DYRK1A: variants seen among roughly 807,000 people sequenced by gnomAD.
The protein encoded by DYRK1A is dual specificity tyrosine-phosphorylation-regulated kinase 1A.
A neutral mutation model predicts 79.7 loss-of-function variants in DYRK1A; 9 were observed. The observed-to-expected ratio is 0.11, with a 90% confidence interval of 0.07 to 0.20. The LOEUF (loss-of-function observed/expected upper bound fraction) is 0.20. DYRK1A is among the 10% of genes least tolerant of loss of function. The probability of loss-of-function intolerance (pLI) is 1.00; values close to 1 mark genes in which losing one functional copy is unlikely to be tolerated. For missense variants in DYRK1A, 622 were observed against 956.0 expected, an observed-to-expected ratio of 0.65 and a Z score of 4.61; for synonymous variants, 349 against 329.7, an observed-to-expected ratio of 1.06 and a Z score of -0.63.
chr21:37,365,809 G>A (rs539082067), upstream of DYRK1A: 2 of 152,608 alleles, frequency 1.3e-5, no homozygotes, highest in Admixed American at 6.5e-5. Flanking sequence ...GCATTCCGAT[G>A]GAGCAGGCAG....
At chr21:37,410,758 A>G (rs1410135110) in intron 1 of DYRK1A, 3 of 152,256 alleles carry the variant, frequency 2.0e-5, no homozygotes, top group Non-Finnish European at 2.9e-5. Flanking sequence ...AGAAAATAGA[A>G]GACAGTTGGC....
intron 11 of DYRK1A, among the ~76,000 whole-genome samples, chr21:37,510,750 A>G (rs1452037882): frequency 6.6e-6 from 1 of 151,288 alleles, no homozygotes; most frequent in African/African-American, 2.4e-5. Context: ...CTACTTGTCT[A>G]CTGTGTCCAG....
At chr21:37,479,502 C>T (rs541368899) in intron 4 of DYRK1A, among the ~76,000 whole-genome samples, 17 of 147,098 alleles carry the variant, frequency 1.2e-4, no homozygotes, top group Admixed American at 8.9e-4. Context: ...TTTATAATTT[C>T]GCCAAAGTTA....
In DYRK1A at chr21:37,512,111, G is replaced by A; in HGVS notation, c.1845G>A (p.Leu615=). The change falls in exon 12 of 12, where the codon TTG becomes TTA. Residue 615 remains leucine, a synonymous_variant. Transcript: ENST00000647188. Reference sequence around the variant, plus strand: ...ACCACCACCATGGACAACAAGCCTTGGGTAACCGGACCAGGCCAAGGGTCT... The same window carrying A: ...ACCACCACCATGGACAACAAGCCTTAGGTAACCGGACCAGGCCAAGGGTCT... ...HHHHHHGQQA[L]GNRTRPRVYN... The A allele has an allele frequency of 6.2e-7, 1 of 1,614,058 alleles. No homozygotes were observed. The highest frequency in any genetic ancestry group is 1.1e-5 in the South Asian group (1 of 91,070).
Position 37,490,307 on chromosome 21 carries a change from C to T in DYRK1A, c.770C>T (p.Ala257Val). Residue 257 changes from alanine to valine, a missense_variant, in exon 7 of 12, where the codon GCG (alanine) becomes GTG (valine). Ala to Val is a moderately conservative substitution (Grantham distance 64). Around this residue, in one of 5 missense-constraint regions of DYRK1A, gnomAD observed 138 missense variants for 346.4 expected, o/e 0.40. Transcript: ENST00000647188. Reference sequence around the variant, plus strand: ...TCTTTGAACCTAACACGAAAGTTTGCGCAACAGATGTGCACTGCACTGCTT... The same window carrying T: ...TCTTTGAACCTAACACGAAAGTTTGTGCAACAGATGTGCACTGCACTGCTT... ...GVSLNLTRKFAQQMCTALLFL... is the reference protein window; with the variant it reads ...GVSLNLTRKFVQQMCTALLFL... 6 of 1,613,748 alleles carry T rather than the reference C, an allele frequency of 3.7e-6. No homozygotes were observed. The highest frequency in any genetic ancestry group is 1.7e-6 in the Non-Finnish European group (2 of 1,179,756).
upstream of DYRK1A, among the ~76,000 whole-genome samples, chr21:37,366,482 C>T (rs1389962813): frequency 6.7e-6 from 1 of 149,350 alleles, no homozygotes; most frequent in Admixed American, 6.6e-5. Flanking sequence ...CCCCCCCTTC[C>T]CCAGCCCCTA....
At chr21:37,459,932 A>G (rs535224682) in intron 2 of DYRK1A, among the ~76,000 whole-genome samples, 7 of 152,286 alleles carry the variant, frequency 4.6e-5, no homozygotes, top group African/African-American at 1.7e-4. Flanking sequence ...ATATTCATAA[A>G]TATTTGGGAG....
intron 2 of DYRK1A, among the ~76,000 whole-genome samples, chr21:37,466,381 AAAAT>A (rs1188742508): frequency 6.6e-6 from 1 of 152,246 alleles, no homozygotes; most frequent in Non-Finnish European, 1.5e-5. Flanking sequence ...AGGTAACTAA[AAAAT>A]AAAAATATGG....
chr21:37,521,759 A>G lies in DYRK1A; in HGVS notation c.*9228A>G, dbSNP rs1328487835. ...TTCGAAGGTGAGGAGGCTTGCCAGCATCAGTTTATAAGTGGACAGAGTCGA... is the reference window on the plus strand; with the variant it reads ...TTCGAAGGTGAGGAGGCTTGCCAGCGTCAGTTTATAAGTGGACAGAGTCGA... On this transcript the variant is annotated 3_prime_UTR_variant, in exon 12 of 12. Coordinates refer to ENST00000647188, the MANE Select transcript of DYRK1A (RefSeq NM_001347721.2). 6.6e-6 allele frequency: 1 copy of G among 152,260 alleles called. No homozygotes were observed. Among genetic ancestry groups the G allele is most frequent in the Non-Finnish European group, 1.5e-5 (1 of 68,072 alleles). The allele number at this position is 152,260 out of a possible 1,614,324, so 9.4% of individuals were successfully genotyped here. A position where few individuals can be genotyped will look rare whatever the true frequency, so the allele number is the denominator to read the frequency against.
intron 1 of DYRK1A, among the ~76,000 whole-genome samples, chr21:37,394,748 G>A (rs529633528): frequency 6.6e-6 from 1 of 152,122 alleles, no homozygotes; most frequent in Admixed American, 6.5e-5. Context: ...CCTCCTGTCC[G>A]TGGAAAAATT....
intron 1 of DYRK1A, among the ~76,000 whole-genome samples, chr21:37,402,018 G>T (rs1225004046): frequency 6.6e-6 from 1 of 152,050 alleles, no homozygotes; most frequent in Non-Finnish European, 1.5e-5. Context: ...GCCAAATGTA[G>T]TAGCCATAAA....
chr21:37,494,018 A>C (rs979538936), intron 8 of DYRK1A, among the ~76,000 whole-genome samples: 4 of 137,544 alleles, frequency 2.9e-5, no homozygotes, highest in Admixed American at 1.7e-4. Context: ...TTGGCTCCCG[A>C]GTAGCTGGAA....
At chr21:37,453,292 A>G (rs2051520213) in intron 2 of DYRK1A, among the ~76,000 whole-genome samples, 1 of 152,184 alleles carries the variant, frequency 6.6e-6, no homozygotes, top group African/African-American at 2.4e-5. Context: ...AATTCTTTGT[A>G]GCTACATTTC....
intron 2 of DYRK1A, chr21:37,421,934 A>G (rs2050486670): frequency 6.6e-6 from 1 of 152,098 alleles, no homozygotes; most frequent in South Asian, 2.1e-4. Context: ...CTGATTTTGG[A>G]GATTTTCTCT....
intron 11 of DYRK1A, among the ~76,000 whole-genome samples, chr21:37,508,312 G>C (rs2053654489): frequency 6.6e-6 from 1 of 152,146 alleles, no homozygotes; most frequent in Non-Finnish European, 1.5e-5. Context: ...TGCTGAGACG[G>C]AGTCTTGCTC....
chr21:37,436,573 G>A (rs2050931526), intron 2 of DYRK1A, among the ~76,000 whole-genome samples: 1 of 152,166 alleles, frequency 6.6e-6, no homozygotes, highest in Admixed American at 6.5e-5. Context: ...TTGAAACACG[G>A]ATGCCAAAAA....
intron 2 of DYRK1A, among the ~76,000 whole-genome samples, chr21:37,447,036 G>T (rs943535753): frequency 3.9e-5 from 6 of 152,120 alleles, no homozygotes; most frequent in Non-Finnish European, 8.8e-5. Flanking sequence ...GGAAGAGAGG[G>T]CACTTAACAT....
intron 2 of DYRK1A, among the ~76,000 whole-genome samples, chr21:37,449,839 T>C (rs2051389780): frequency 6.6e-6 from 1 of 152,086 alleles, no homozygotes; most frequent in Non-Finnish European, 1.5e-5. Context: ...TCAAGTCAAG[T>C]CTCTTGGATG....
intron 6 of DYRK1A, chr21:37,487,967 C>T (rs758429256): frequency 2.6e-5 from 4 of 152,134 alleles, no homozygotes; most frequent in Non-Finnish European, 4.4e-5. Flanking sequence ...TTGACTTACA[C>T]AATGATCTCT....
Sources: gnomAD v4.1 joint callset for allele counts (sites outside exome capture counted in the v4.1 genomes callset) on GRCh38, gnomAD v4.1.1 for gene constraint, gnomAD v4.1.1 regional missense constraint, MANE v1.5 for transcripts, NCBI Gene and HGNC (gene_info 2026-07-23, HGNC 2026-07-21) for gene names.